Variants in RAD54B observed in about 807,000 individuals in gnomAD.
RAD54B encodes the protein RAD54 homolog B, also known as DNA repair and recombination protein RAD54B.
RAD54B carries 78 observed loss-of-function variants against 95.8 expected under a neutral mutation model. That is an observed-to-expected ratio of 0.81 (90% CI 0.68 to 0.98). The LOEUF (loss-of-function observed/expected upper bound fraction) is 0.98. Ranked by LOEUF, RAD54B falls within the 50% of genes least tolerant of loss-of-function variation. RAD54B has a pLI of 0.00. For missense variants in RAD54B, 957 were observed against 1,056.6 expected (o/e 0.91, Z 1.31); for synonymous variants, 328 against 354.9 (o/e 0.92, Z 0.85).
chr8:94,463,893 C>CAAAAAAAAAA (rs553168595), intron 2 of RAD54B, among the ~76,000 whole-genome samples: 2 of 90,976 alleles, frequency 2.2e-5, no homozygotes, highest in African/African-American at 4.2e-5. Flanking sequence ...GACCCTATCT[C>CAAAAAAAAAA]AAAAAAAAAA....
At chr8:94,410,702 T>G (rs1203301393) in intron 4 of RAD54B, among the ~76,000 whole-genome samples, 1 of 152,188 alleles carries the variant, frequency 6.6e-6, no homozygotes, top group Admixed American at 6.5e-5. Context: ...TTGCTCTGTT[T>G]TTCAAAACAT....
intron 8 of RAD54B, among the ~76,000 whole-genome samples, chr8:94,397,833 G>C (rs1240333410): frequency 1.3e-5 from 2 of 151,778 alleles, no homozygotes; most frequent in East Asian, 1.9e-4. Flanking sequence ...TAAGCAGTAA[G>C]AAGAAACAGT....
intron 3 of RAD54B, among the ~76,000 whole-genome samples, chr8:94,417,111 T>C (rs779676182): frequency 6.6e-6 from 1 of 152,140 alleles, no homozygotes; most frequent in Admixed American, 6.5e-5. Context: ...AAAACATTTA[T>C]GCTAAGTGAA....
At chr8:94,441,436 T>C (rs1812393661) in intron 3 of RAD54B, among the ~76,000 whole-genome samples, 1 of 152,096 alleles carries the variant, frequency 6.6e-6, no homozygotes, top group Admixed American at 6.5e-5. Flanking sequence ...AGAAACACGC[T>C]TACCAGTTTA....
intron 2 of RAD54B, among the ~76,000 whole-genome samples, chr8:94,464,760 AG>A (rs1305188731): frequency 1.3e-5 from 2 of 152,166 alleles, no homozygotes; most frequent in African/African-American, 4.8e-5. Flanking sequence ...TAAAGAAAAG[AG>A]GTTTATTTTG....
intron 6 of RAD54B, among the ~76,000 whole-genome samples, chr8:94,403,144 G>A (rs908367511): frequency 2.6e-5 from 4 of 152,034 alleles, no homozygotes; most frequent in Non-Finnish European, 5.9e-5. Flanking sequence ...TACCTTTAAA[G>A]GACAAATTTT....
intron 14 of RAD54B, among the ~76,000 whole-genome samples, chr8:94,375,120 A>G (rs1810536571): frequency 6.6e-6 from 1 of 152,234 alleles, no homozygotes; most frequent in African/African-American, 2.4e-5. Flanking sequence ...CATTTTGGCA[A>G]TATCTATCAA....
intron 1 of RAD54B, among the ~76,000 whole-genome samples, chr8:94,471,315 T>A (rs1813167612): frequency 6.6e-6 from 1 of 151,904 alleles, no homozygotes; most frequent in African/African-American, 2.4e-5. Context: ...AAGAGAAATA[T>A]GTTTTAATAA....
chr8:94,397,501 A>G (rs1458014640), intron 8 of RAD54B, among the ~76,000 whole-genome samples: 4 of 152,122 alleles, frequency 2.6e-5, no homozygotes, highest in Non-Finnish European at 5.9e-5. Flanking sequence ...AAATGAAACA[A>G]TCTCACTGGT....
At chr8:94,414,062 G>A (rs1463447401) in intron 3 of RAD54B, among the ~76,000 whole-genome samples, 4 of 151,850 alleles carry the variant, frequency 2.6e-5, no homozygotes. Flanking sequence ...TCTTGAATTT[G>A]TGACCTCAAG....
intron 14 of RAD54B, among the ~76,000 whole-genome samples, chr8:94,374,217 G>T (rs58765294): frequency 0.049 from 7,409 of 151,868 alleles, 247 homozygotes; most frequent in Non-Finnish European, 0.068. Flanking sequence ...AGGCGGAGCT[G>T]GCAGTGAGCC....
At chr8:94,438,572 CT>C (rs1214419724) in intron 3 of RAD54B, among the ~76,000 whole-genome samples, 2 of 152,012 alleles carry the variant, frequency 1.3e-5, no homozygotes, top group African/African-American at 4.8e-5. Context: ...AGGGTATATA[CT>C]TTATTTAGAT....
At position 94,425,354 on chromosome 8, in the gene RAD54B, C is replaced by CTAATATTCTTT. The variant is rs562761624; in HGVS notation, c.305-14050_305-14040dup. Among the ~76,000 whole-genome samples, 13 of 151,468 alleles carry CTAATATTCTTT rather than the reference C, an allele frequency of 8.6e-5. No individual in the cohort carries two copies. In the South Asian group the frequency reaches 2.7e-3, roughly 32 times the overall value. ...ACAGGCATGAGCCACCGCACCCAGC[C>CTAATATTCTTT]TAATATTCTTTTGTTTAACAATTCT... On this transcript the variant is annotated intron_variant, in intron 3 of 14. Transcript: ENST00000336148.
In RAD54B at chr8:94,404,218, G is replaced by T; in HGVS notation, c.803C>A (p.Pro268Gln). The change falls in exon 6 of 15, where the codon CCA becomes CAA. Residue 268 changes from proline to glutamine, a missense_variant. Coordinates refer to ENST00000336148, the MANE Select transcript of RAD54B (RefSeq NM_012415.3). Reference sequence around the variant, plus strand: ...GAATACCCACTGGTGATTCTTATCTGGTCGTGGCATAACGAGGGAATCTTA... The same window carrying T: ...GAATACCCACTGGTGATTCTTATCTTGTCGTGGCATAACGAGGGAATCTTA... ...YTPNSLVMPR[P>Q]DKNHQWVFNK... 1 of 1,593,926 alleles carries T rather than the reference G, an allele frequency of 6.3e-7. No homozygotes were observed. Among genetic ancestry groups the T allele is most frequent in the Non-Finnish European group, 8.5e-7 (1 of 1,173,706 alleles).
At chr8:94,430,234 C>A (rs1812055043) in intron 3 of RAD54B, 1 of 761,220 alleles carries the variant, frequency 1.3e-6, no homozygotes, top group Non-Finnish European at 1.6e-6. Context: ...TCGCTTGAAC[C>A]CAGGAAACGG....
At chr8:94,467,676 C>T (rs909703703) in intron 1 of RAD54B, 121 bp from the exon 2 acceptor site, 5 of 969,248 alleles carry the variant, frequency 5.2e-6, no homozygotes, top group Admixed American at 5.4e-5. Flanking sequence ...GCCTGCCTGG[C>T]CCCCCAAGCA....
rs1284271549 is a variant in RAD54B, at chr8:94,380,409, G to C, written c.1986-3C>G. 6.4e-7 allele frequency: 1 copy of C among 1,572,328 alleles called. No homozygotes were observed. Among genetic ancestry groups the C allele is most frequent in the Non-Finnish European group, 8.6e-7 (1 of 1,159,286 alleles). ...TATAGTTGGATACCAACACCACCCT[G>C]TCAATCAAAAAGAAAGATTCTTTAG... On this transcript the variant is annotated splice_region_variant and splice_polypyrimidine_tract_variant and intron_variant, in intron 11 of 14. Transcript: ENST00000336148.
At chr8:94,400,205 A>T (rs201163682) in intron 7 of RAD54B, 33 bp downstream of exon 7, 113 of 1,555,866 alleles carry the variant, frequency 7.3e-5, no homozygotes, top group Non-Finnish European at 9.8e-5. Context: ...GATTTTTTTT[A>T]AATGACTAAG....
Position 94,372,142 on chromosome 8 carries a change from G to T in RAD54B, c.*28C>A, listed in dbSNP as rs1488685189. ...TACCATACTAATTTTCAAAAGAAGA[G>T]CAATGGAATGTCAGAAGTAATCTTT... is the stretch of plus-strand genomic sequence containing the variant. On this transcript the variant is annotated 3_prime_UTR_variant, in exon 15 of 15. Coordinates refer to ENST00000336148, the MANE Select transcript of RAD54B (RefSeq NM_012415.3). The T allele has an allele frequency of 1.3e-5, 20 of 1,564,770 alleles. No individual in the cohort carries two copies. The highest frequency in any genetic ancestry group is 2.2e-5 in the Admixed American group (1 of 45,982).
Sources: gnomAD v4.1 joint callset for allele counts (sites outside exome capture counted in the v4.1 genomes callset) on GRCh38, gnomAD v4.1.1 for gene constraint, MANE v1.5 for transcripts, NCBI Gene and HGNC (gene_info 2026-07-23, HGNC 2026-07-21) for gene names.